Variants in AATF observed in about 807,000 individuals in gnomAD.
The protein encoded by AATF is protein AATF.
In AATF, 48 loss-of-function variants were observed where a neutral mutation model predicts 63.7. That is an observed-to-expected ratio of 0.75 (90% CI 0.60 to 0.96). AATF has a LOEUF of 0.96. Among genes scored for constraint, AATF ranks in the 40% least tolerant of loss-of-function variants. The pLI is 0.00. For missense variants in AATF, 639 were observed against 685.7 expected (o/e 0.93, Z 0.76); for synonymous variants, 258 against 247.7 (o/e 1.04, Z -0.39).
chr17:37,025,125 G>T (rs1298449513), intron 10 of AATF, among the ~76,000 whole-genome samples: 1 of 152,058 alleles, frequency 6.6e-6, no homozygotes, highest in East Asian at 1.9e-4. Context: ...TGAGAAGGTT[G>T]GAATGACTCC....
intron 8 of AATF, among the ~76,000 whole-genome samples, chr17:36,992,391 A>T (rs900364909): frequency 6.6e-6 from 1 of 152,166 alleles, no homozygotes; most frequent in Non-Finnish European, 1.5e-5. Context: ...TCAGAAGAGT[A>T]AGGAACTCTA....
intron 4 of AATF, among the ~76,000 whole-genome samples, chr17:36,957,597 C>T (rs1380715771): frequency 6.6e-6 from 1 of 152,208 alleles, no homozygotes; most frequent in African/African-American, 2.4e-5. Context: ...TTGCTATACC[C>T]AGCTACTACC....
At chr17:36,983,320 G>A (rs1388467601) in intron 4 of AATF, among the ~76,000 whole-genome samples, 1 of 152,084 alleles carries the variant, frequency 6.6e-6, no homozygotes, top group African/African-American at 2.4e-5. Flanking sequence ...TGTGATTACA[G>A]GTGTGAGCCA....
chr17:36,989,665 C>G (rs2071198239), intron 7 of AATF, among the ~76,000 whole-genome samples: 1 of 152,084 alleles, frequency 6.6e-6, no homozygotes, highest in Admixed American at 6.5e-5. Flanking sequence ...GTAGTAGAAG[C>G]ATTCATAATC....
At chr17:36,989,175 T>A (rs2071193463) in intron 6 of AATF, 72 bp from the exon 7 acceptor site, 2 of 1,485,610 alleles carry the variant, frequency 1.3e-6, no homozygotes, top group South Asian at 1.4e-5. Flanking sequence ...CACAGAAAGA[T>A]AGAGAAACCA....
intron 11 of AATF, chr17:37,054,582 T>C (rs1033693105): frequency 6.6e-5 from 10 of 152,214 alleles, no homozygotes; most frequent in Non-Finnish European, 1.3e-4. Flanking sequence ...GAAATGATGT[T>C]CTATGAAAAC....
intron 11 of AATF, among the ~76,000 whole-genome samples, chr17:37,049,399 G>GT (rs1567998414): frequency 6.6e-6 from 1 of 152,078 alleles, no homozygotes; most frequent in African/African-American, 2.4e-5. Flanking sequence ...TCAGGAGATC[G>GT]AGACCATCCT....
At chr17:36,998,525 CT>C (rs1384651591) in intron 8 of AATF, 1 of 152,166 alleles carries the variant, frequency 6.6e-6, no homozygotes, top group Non-Finnish European at 1.5e-5. Flanking sequence ...CATTGGAGAT[CT>C]ACTGTATCTT....
intron 8 of AATF, among the ~76,000 whole-genome samples, chr17:36,993,960 T>G (rs1046816902): frequency 1.3e-4 from 20 of 152,198 alleles, no homozygotes; most frequent in Non-Finnish European, 2.2e-4. Flanking sequence ...AGTTACCATA[T>G]CTTTCAAAAT....
intron 8 of AATF, among the ~76,000 whole-genome samples, chr17:36,996,432 A>C (rs2071255670): frequency 6.6e-6 from 1 of 152,168 alleles, no homozygotes. Flanking sequence ...TAAATAAACA[A>C]ATGAAATAAA....
At position 36,950,397 on chromosome 17, in the gene AATF, G is replaced by C. The variant is rs563928477; in HGVS notation, c.275G>C (p.Gly92Ala). 6.2e-7 allele frequency: 1 copy of C among 1,613,830 alleles called. No homozygotes were observed. Among genetic ancestry groups the C allele is most frequent in the African/African-American group, 1.3e-5 (1 of 74,920 alleles). ...GACCATTGGGAGCAGACTCTGCCAG[G>C]ATCGTCTGGTGAGTAGACATTTTTG... The part of the protein sequence containing the change: ...NEDHWEQTLP[G>A]SSDEEISDEE... The change falls in exon 2 of 12, where the codon GGA (glycine) becomes GCA (alanine). Residue 92 changes from glycine (G) to alanine (A), a missense_variant. Transcript: ENST00000619387.
At chr17:36,961,069 G>A (rs11871466) in intron 4 of AATF, among the ~76,000 whole-genome samples, 5,788 of 152,126 alleles carry the variant, frequency 0.038, 371 homozygotes, top group African/African-American at 0.13. Flanking sequence ...TTTTAAAACA[G>A]AAAATGGAAT....
At chr17:37,039,782 G>A (rs2071622453) in intron 11 of AATF, among the ~76,000 whole-genome samples, 1 of 152,144 alleles carries the variant, frequency 6.6e-6, no homozygotes, top group African/African-American at 2.4e-5. Context: ...AAAAAACACT[G>A]CTGTTGTTTC....
At position 36,953,243 on chromosome 17, in the gene AATF, G is replaced by C. The variant is rs760877769; in HGVS notation, c.641G>C (p.Ser214Thr). The C allele has an allele frequency of 3.7e-6, 6 of 1,614,190 alleles. No homozygotes were observed. Among genetic ancestry groups the C allele is most frequent in the Non-Finnish European group, 1.7e-6 (2 of 1,180,026 alleles). ...EDDGVVMTFS[S>T]VKVSEEVEKG... ...GATGGTGTGGTGATGACCTTCTCTA[G>C]TGTCAAAGTTTCTGAGGAAGTGGAG... Residue 214 changes from serine (S) to threonine (T), a missense_variant, in exon 3 of 12, where the codon AGT (serine) becomes ACT (threonine). Transcript: ENST00000619387.
intron 4 of AATF, among the ~76,000 whole-genome samples, chr17:36,985,914 C>A (rs1221119856): frequency 1.3e-5 from 2 of 152,190 alleles, no homozygotes; most frequent in Non-Finnish European, 2.9e-5. Flanking sequence ...AGCTCTATTA[C>A]ATATGCATCT....
At chr17:36,972,922 T>G (rs2071050693) in intron 4 of AATF, among the ~76,000 whole-genome samples, 1 of 152,162 alleles carries the variant, frequency 6.6e-6, no homozygotes, top group Non-Finnish European at 1.5e-5. Flanking sequence ...GCTCATTCAA[T>G]TAATGTTTTC....
intron 4 of AATF, among the ~76,000 whole-genome samples, chr17:36,978,725 G>A (rs150285016): frequency 6.6e-6 from 1 of 151,848 alleles, no homozygotes; most frequent in Admixed American, 6.6e-5. Flanking sequence ...TTGGCCATAT[G>A]TTGGAAATGA....
intron 4 of AATF, among the ~76,000 whole-genome samples, chr17:36,961,721 T>TG (rs2142212963): frequency 6.6e-6 from 1 of 152,152 alleles, no homozygotes; most frequent in South Asian, 2.1e-4. Context: ...TCGCCCAGGC[T>TG]GGAGTGCAAT....
At chr17:37,028,026 A>G (rs1331077870) in intron 10 of AATF, among the ~76,000 whole-genome samples, 1 of 152,236 alleles carries the variant, frequency 6.6e-6, no homozygotes, top group Non-Finnish European at 1.5e-5. Flanking sequence ...ATAAATATTT[A>G]TGCTCATACA....
Sources: allele counts gnomAD v4.1 joint callset (sites outside exome capture counted in the v4.1 genomes callset), GRCh38; gene constraint gnomAD v4.1.1; transcripts MANE v1.5; gene names NCBI Gene and HGNC (gene_info 2026-07-23, HGNC 2026-07-21).